LMF2: variants seen among roughly 807,000 people sequenced by gnomAD.
LMF2 encodes transmembrane protein 112B.
In LMF2, 113 loss-of-function variants were observed where a neutral mutation model predicts 81.5. The observed-to-expected ratio is 1.39, with a 90% CI of 1.19 to 1.62. The LOEUF is 1.62. Ranked by LOEUF, LMF2 falls within the 40% of genes most tolerant of loss-of-function variation. The probability of loss-of-function intolerance (pLI) is 0.00; values close to 1 mark genes in which losing one functional copy is unlikely to be tolerated. For missense variants in LMF2, 1,235 were observed against 929.1 expected, an observed-to-expected ratio of 1.33 and a Z score of -4.28; for synonymous variants, 645 against 424.5, an observed-to-expected ratio of 1.52 and a Z score of -6.39.
Position 50,505,324 on chromosome 22 carries a change from G to A in LMF2, c.1062C>T (p.Phe354=). ...RTIHSRTTFT[F]HQFSQWLKTL... ...TCTTCAGCCACTGAGAAAACTGGTG[G>A]AAGGTGAAAGCTGGTGGAGGAGGGG... The change falls in exon 8 of 14, where the codon TTC becomes TTT. Residue 354 remains phenylalanine, a synonymous_variant. Coordinates refer to ENST00000474879, the MANE Select transcript of LMF2 (RefSeq NM_033200.3). 3 of 1,613,320 alleles carry A rather than the reference G, an allele frequency of 1.9e-6. No individual in the cohort carries two copies. The highest frequency in any genetic ancestry group is 1.1e-5 in the South Asian group (1 of 91,086).
chr22:50,503,724 G>A (rs1451577296), intron 13 of LMF2, 25 bp from the exon 14 acceptor site: 6 of 1,581,292 alleles, frequency 3.8e-6, no homozygotes, highest in African/African-American at 2.7e-5. Flanking sequence ...GAGGGAGGGA[G>A]GTTGGGGAAG....
At chr22:50,507,170 C>T in intron 1 of LMF2, 135 bp from the exon 2 acceptor site, 2 of 1,364,918 alleles carry the variant, frequency 1.5e-6, no homozygotes, top group South Asian at 1.5e-5. Flanking sequence ...AGTCTGCAGT[C>T]CCTCCAGAGC....
rs754445708 is a variant in LMF2, at chr22:50,506,764, G to C, written c.348+18C>G. 1.2e-6 allele frequency: 2 copies of C among 1,612,698 alleles called. No individual in the cohort carries two copies. Among genetic ancestry groups the C allele is most frequent in the Admixed American group, 3.3e-5 (2 of 59,960 alleles). On this transcript the variant is annotated intron_variant, in intron 2 of 13. Coordinates refer to ENST00000474879, the MANE Select transcript of LMF2 (RefSeq NM_033200.3). ...TGGGGGTTGGAGATAGAGTGAGCTG[G>C]TCACAGGTCCCACTTGCCTGGCAGG...
chr22:50,507,329 G>A (rs1603439738), intron 1 of LMF2: 1 of 604,868 alleles, frequency 1.7e-6, no homozygotes, highest in Non-Finnish European at 2.9e-6. Context: ...GGTCTGGGAG[G>A]AAGCCTCTCT....
rs752140596 is a variant in LMF2 at position 50,504,422 on chromosome 22, T to C, written c.1636A>G (p.Arg546Gly). Residue 546 changes from arginine (R) to glycine (G), a missense_variant, in exon 12 of 14, where the codon AGG (arginine) becomes GGG (glycine). Physicochemically the swap from Arg to Gly is moderately radical, Grantham distance 125 (BLOSUM62 -2). Coordinates refer to ENST00000474879, the MANE Select transcript of LMF2 (RefSeq NM_033200.3). ...VIRLVQSQVA[R>G]YPFHKQPPTY... ...GGCGGCTGCTTGTGGAAGGGATACCTGGCCACTTGGCTCTGGACAAGGCGG... is the reference window on the plus strand; with the variant it reads ...GGCGGCTGCTTGTGGAAGGGATACCCGGCCACTTGGCTCTGGACAAGGCGG... 1.2e-6 allele frequency: 2 copies of C among 1,612,206 alleles called. No individual in the cohort carries two copies. Among genetic ancestry groups the C allele is most frequent in the Non-Finnish European group, 1.7e-6 (2 of 1,179,678 alleles).
Position 50,504,935 on chromosome 22 carries a change from C to T in LMF2, c.1304G>A (p.Gly435Glu), listed in dbSNP as rs375146435. 27 of 1,607,504 alleles carry T rather than the reference C, an allele frequency of 1.7e-5. No homozygotes were observed. The highest frequency in any genetic ancestry group is 1.7e-4 in the Middle Eastern group (1 of 6,046). Residue 435 changes from glycine (G) to glutamate (E), a missense_variant, in exon 10 of 14, where the codon GGG becomes GAG. Coordinates refer to ENST00000474879, the MANE Select transcript of LMF2 (RefSeq NM_033200.3). ...EPGTHGRLWT[G>E]AHRLFGAVEH... ...CACGGCACCAAACAGGCGGTGGGCC[C>T]CGGTCCAGAGGCGCCCGTGGGTCCC...
chr22:50,503,478 C>G lies in LMF2; in HGVS notation c.2037G>C (p.Gln679His), dbSNP rs776769536. Residue 679 changes from glutamine (Q) to histidine (H), a missense_variant, in exon 14 of 14, where the codon CAG (glutamine) becomes CAC (histidine). Gln to His is a conservative substitution (Grantham distance 24). Coordinates refer to ENST00000474879, the MANE Select transcript of LMF2 (RefSeq NM_033200.3). The part of the protein sequence containing the change: ...VSGEKRRPAS[Q>H]KDSGAASEQA... ...GTTCGGAGGCAGCTCCGGAGTCTTTCTGGGAGGCTGGCCTGCGCTTCTCCC... is the reference window on the plus strand; with the variant it reads ...GTTCGGAGGCAGCTCCGGAGTCTTTGTGGGAGGCTGGCCTGCGCTTCTCCC... 1.3e-6 allele frequency: 2 copies of G among 1,594,174 alleles called. No homozygotes were observed. Among genetic ancestry groups the G allele is most frequent in the Non-Finnish European group, 8.5e-7 (1 of 1,173,300 alleles).
chr22:50,504,290 C>T, intron 12 of LMF2, 50 bp downstream of exon 12: 1 of 1,318,896 alleles, frequency 7.6e-7, no homozygotes, highest in Non-Finnish European at 1.1e-6. Flanking sequence ...CGGTGCCCGG[C>T]CTTACCCCTG....
chr22:50,504,527 C>A (rs1249245341), intron 11 of LMF2, 32 bp downstream of exon 11: 2 of 1,453,684 alleles, frequency 1.4e-6, no homozygotes, highest in South Asian at 2.6e-5. Context: ...TCCACCCCAG[C>A]CCACTCCACA....
intron 9 of LMF2, 28 bp from the exon 10 acceptor site, chr22:50,505,012 C>A (rs1367290326): frequency 3.7e-6 from 6 of 1,612,008 alleles, no homozygotes; most frequent in South Asian, 2.2e-5. Flanking sequence ...GTTCTCAGGG[C>A]TGCCCTGCCC....
In LMF2 at chr22:50,505,031, TC is replaced by T. The variant is rs375513101; in HGVS notation, c.1254+25del. On this transcript the variant is annotated intron_variant, in intron 9 of 13. Coordinates refer to ENST00000474879, the MANE Select transcript of LMF2 (RefSeq NM_033200.3). ...TCAGGGCTGCCCTGCCCCCAGCCCA[TC>T]CCCCAGCCCTGCAGCGCTACCCACC... 6.4e-4 allele frequency: 1,035 copies of T among 1,612,092 alleles called. 4 individuals are homozygous for T. The African/African-American group carries it at 0.012, about 19-fold the overall frequency.
At chr22:50,505,381 G>GC (rs745805106) in intron 7 of LMF2, 22 bp downstream of exon 7, 269 of 1,613,136 alleles carry the variant, frequency 1.7e-4, no homozygotes, top group Admixed American at 9.5e-4. Context: ...CTGCCCTCTG[G>GC]CCCCCCCAGG....
chr22:50,507,385 G>C (rs1236363583), intron 1 of LMF2, 197 bp downstream of exon 1: 12 of 632,280 alleles, frequency 1.9e-5, no homozygotes, highest in Middle Eastern at 4.2e-4. Flanking sequence ...TCAGAGTCCA[G>C]AGCCTTACGG....
rs2068521512 is a variant in LMF2, at chr22:50,505,057, C to T, written c.1254G>A (p.Leu418=). 6.2e-7 allele frequency: 1 copy of T among 1,612,946 alleles called. No individual in the cohort carries two copies. Among genetic ancestry groups the T allele is most frequent in the Non-Finnish European group, 8.5e-7 (1 of 1,179,982 alleles). ...TATVALFLIS[L]VPYSYVEPGT... ...CCCCCAGCCCTGCAGCGCTACCCAC[C>T]AGGCTAATCAGGAACAAGGCCACGG... The change falls in exon 9 of 14, where the codon CTG becomes CTA. Residue 418 remains leucine (L), a splice_region_variant and synonymous_variant. Transcript: ENST00000474879.
Position 50,505,543 on chromosome 22 carries a change from G to A in LMF2, c.917-6C>T, listed in dbSNP as rs368606508. The A allele has an allele frequency of 3.7e-6, 6 of 1,612,382 alleles. No homozygotes were observed. In the South Asian group the frequency reaches 4.4e-5, roughly 12 times the overall value. On this transcript the variant is annotated splice_region_variant and splice_polypyrimidine_tract_variant and intron_variant, in intron 6 of 13. Coordinates refer to ENST00000474879, the MANE Select transcript of LMF2 (RefSeq NM_033200.3). ...CAGCAGGGCCTTGGGCCAGGCTGTG[G>A]GGCAGGACAGTCATGGGTCAGCAGA...
At position 50,504,287 on chromosome 22, in the gene LMF2, C is replaced by T. The variant is rs548014548; in HGVS notation, c.1718+53G>A. 4.6e-5 allele frequency: 58 copies of T among 1,257,884 alleles called. 1 individual carries two copies. In the Admixed American group the frequency reaches 9.7e-4, roughly 21 times the overall value. The allele number at this position is 1,257,884 out of a possible 1,614,324, so 77.9% of individuals were successfully genotyped here. On this transcript the variant is annotated intron_variant, in intron 12 of 13. Coordinates refer to ENST00000474879, the MANE Select transcript of LMF2 (RefSeq NM_033200.3). ...CCCGGGCTCCACACCCCCCGGTGCC[C>T]GGCCTTACCCCTGCACCCCGGGCTC...
chr22:50,507,492 A>G, intron 1 of LMF2, 90 bp downstream of exon 1: 1 of 1,056,636 alleles, frequency 9.5e-7, no homozygotes, highest in Non-Finnish European at 1.4e-6. Context: ...CTCACTCCCA[A>G]CCCCGGACTG....
chr22:50,503,570 C>T lies in LMF2; in HGVS notation c.1945G>A (p.Val649Ile). The T allele has an allele frequency of 6.5e-7, 1 of 1,540,314 alleles. No individual in the cohort carries two copies. The highest frequency in any genetic ancestry group is 8.7e-7 in the Non-Finnish European group (1 of 1,146,256). Residue 649 changes from valine (V) to isoleucine (I), a missense_variant, in exon 14 of 14, where the codon GTC becomes ATC. Transcript: ENST00000474879. ...LWGLLMAVGA[V>I]RFVQALLAPC... ...GCTAGCAGGGCTTGCACAAATCTGA[C>T]AGCCCCCACGGCCATGAGGAGCCCC...
At position 50,505,337 on chromosome 22, in the gene LMF2, G is replaced by A. The variant is rs9628196; in HGVS notation, c.1052-3C>T. The stretch of plus-strand genomic sequence containing the variant: ...AGAAAACTGGTGGAAGGTGAAAGCT[G>A]GTGGAGGAGGGGGGTGTGAGGACTG... On this transcript the variant is annotated splice_region_variant and splice_polypyrimidine_tract_variant and intron_variant, in intron 7 of 13. Transcript: ENST00000474879. 7.0e-3 allele frequency: 11,311 copies of A among 1,613,264 alleles called. 656 individuals carry two copies. The African/African-American group carries it at 0.13, about 18-fold the overall frequency.
Sources: allele counts gnomAD v4.1 joint callset, GRCh38; gene constraint gnomAD v4.1.1; transcripts MANE v1.5; gene names NCBI Gene and HGNC (gene_info 2026-07-23, HGNC 2026-07-21).